Variants in CTCFL observed in about 807,000 individuals in gnomAD.
The protein encoded by CTCFL is CCCTC-binding factor like, also known as transcriptional repressor CTCFL.
Under a neutral mutation model 67.4 loss-of-function variants are expected in CTCFL, and 36 were observed. The ratio of observed to expected loss-of-function variants is 0.53; its 90% CI spans 0.41 to 0.71. The LOEUF is 0.71. CTCFL is among the 30% of genes least tolerant of loss of function. CTCFL has a pLI of 0.00. For synonymous variants in CTCFL, 324 were observed against 302.3 expected, an observed-to-expected ratio of 1.07 and a Z score of -0.75; for missense variants, 786 against 835.2, an observed-to-expected ratio of 0.94 and a Z score of 0.73.
At chr20:57,517,752 C>T (rs923975886) in intron 5 of CTCFL, among the ~76,000 whole-genome samples, 1 of 151,888 alleles carries the variant, frequency 6.6e-6, no homozygotes, top group African/African-American at 2.4e-5. Context: ...TGAGGCTACC[C>T]CCCACAGGCT....
At chr20:57,502,460 G>GT (rs1426585749) in intron 10 of CTCFL, among the ~76,000 whole-genome samples, 2 of 152,154 alleles carry the variant, frequency 1.3e-5, no homozygotes, top group African/African-American at 4.8e-5. Context: ...ATCTGATCTG[G>GT]TAACTCTTGA....
intron 9 of CTCFL, among the ~76,000 whole-genome samples, chr20:57,508,333 T>C (rs537890320): frequency 5.1e-4 from 77 of 152,250 alleles, no homozygotes; most frequent in African/African-American, 1.8e-3. Context: ...GTGGGGTTCT[T>C]TGGGGAGTCT....
intron 10 of CTCFL, among the ~76,000 whole-genome samples, chr20:57,502,922 G>A (rs955978468): frequency 2.0e-5 from 3 of 152,352 alleles, no homozygotes; most frequent in South Asian, 4.1e-4. Flanking sequence ...ACACACAGAA[G>A]AGAGGAGAGA....
At chr20:57,519,014 A>G in intron 4 of CTCFL, 123 bp from the exon 5 acceptor site, 1 of 1,264,214 alleles carries the variant, frequency 7.9e-7, no homozygotes, top group African/African-American at 1.5e-5. Context: ...GAGGCTCCTT[A>G]AACTATAAAT....
rs1449934375 is a variant in CTCFL at position 57,518,412 on chromosome 20, C to T, written c.1059+346G>A. On this transcript the variant is annotated intron_variant, in intron 5 of 10. Coordinates refer to ENST00000243914, the MANE Select transcript of CTCFL (RefSeq NM_001386993.1). ...TCAGCCAACATTGAGATTGGATCTG[C>T]ATTCTACGTTAGAGCAAATACATTT... The T allele has an allele frequency of 3.6e-6, 3 of 828,326 alleles. No individual in the cohort carries two copies. In the African/African-American group the frequency reaches 5.3e-5, roughly 15 times the overall value. The allele number at this position is 828,326 out of a possible 1,614,324, so 51.3% of individuals were successfully genotyped here.
chr20:57,523,126 T>G lies in CTCFL; in HGVS notation c.696A>C (p.Thr232=). The change falls in exon 3 of 11, where the codon ACA becomes ACC. Residue 232 remains threonine (T), a synonymous_variant. Coordinates refer to ENST00000243914, the MANE Select transcript of CTCFL (RefSeq NM_001386993.1). ...CCTTTTCAGCATCTGCTTGACCAGCTGTAGGTTGATCCTCTTGTTCTTCCA... is the reference window on the plus strand; with the variant it reads ...CCTTTTCAGCATCTGCTTGACCAGCGGTAGGTTGATCCTCTTGTTCTTCCA... The part of the protein sequence containing the change: ...SNVEEQEDQP[T]AGQADAEKAK... 1 of 1,614,054 alleles carries G rather than the reference T, an allele frequency of 6.2e-7. No individual in the cohort carries two copies. Among genetic ancestry groups the G allele is most frequent in the Non-Finnish European group, 8.5e-7 (1 of 1,180,016 alleles).
At chr20:57,518,552 C>T in intron 5 of CTCFL, 3 of 1,416,512 alleles carry the variant, frequency 2.1e-6, no homozygotes, top group Non-Finnish European at 2.8e-6. Context: ...ATATTATTTT[C>T]ACTAATTAGT....
In CTCFL at chr20:57,497,375, T is replaced by A; in HGVS notation, c.*1175A>T. On this transcript the variant is annotated 3_prime_UTR_variant, in exon 11 of 11. Coordinates refer to ENST00000243914, the MANE Select transcript of CTCFL (RefSeq NM_001386993.1). ...CTGCTGGGAAATTATTTCCACATAT[T>A]CACATTGTATAGGGATTCTGAACTT... 2.0e-6 allele frequency: 2 copies of A among 985,240 alleles called. No individual in the cohort carries two copies. Among genetic ancestry groups the A allele is most frequent in the Non-Finnish European group, 2.4e-6 (2 of 829,772 alleles). The allele number at this position is 985,240 out of a possible 1,614,324, so 61.0% of individuals were successfully genotyped here. A position where few individuals can be genotyped will look rare whatever the true frequency, so the allele number is the denominator to read the frequency against.
intron 3 of CTCFL, among the ~76,000 whole-genome samples, chr20:57,522,151 C>G (rs1038112221): frequency 2.6e-5 from 4 of 152,118 alleles, no homozygotes; most frequent in African/African-American, 9.7e-5. Flanking sequence ...AAGGCAGAGG[C>G]AAGAAACCTA....
chr20:57,525,456 G>A (rs75839365), upstream of CTCFL: 3,899 of 136,404 alleles, frequency 0.029, 237 homozygotes, highest in East Asian at 0.18. Context: ...GGAGGGTCCT[G>A]CAGGGGCACG....
intron 9 of CTCFL, 147 bp from the exon 10 acceptor site, chr20:57,503,748 A>T (rs1395678029): frequency 2.0e-5 from 15 of 754,766 alleles, no homozygotes; most frequent in South Asian, 3.6e-5. Flanking sequence ...TAGCCCTAAG[A>T]AGTAAATAAG....
At chr20:57,502,713 G>A (rs2067983405) in intron 10 of CTCFL, among the ~76,000 whole-genome samples, 2 of 152,192 alleles carry the variant, frequency 1.3e-5, no homozygotes, top group African/African-American at 2.4e-5. Context: ...ACAGGACAGG[G>A]CCCAGCTTCA....
Position 57,519,197 on chromosome 20 carries a change from G to T in CTCFL, c.925+10C>A. ...TCATTCCAGAGAAACAGCCTTCCCG[G>T]CAGTTTTACCTGTGTGGGTGTTAAC... is the stretch of plus-strand genomic sequence containing the variant. On this transcript the variant is annotated intron_variant, in intron 4 of 10. Coordinates refer to ENST00000243914, the MANE Select transcript of CTCFL (RefSeq NM_001386993.1). 2 of 1,612,702 alleles carry T rather than the reference G, an allele frequency of 1.2e-6. No individual in the cohort carries two copies. The highest frequency in any genetic ancestry group is 1.7e-6 in the Non-Finnish European group (2 of 1,178,950).
chr20:57,507,698 T>G (rs1371943372), intron 9 of CTCFL: 1 of 702,904 alleles, frequency 1.4e-6, no homozygotes, highest in African/African-American at 1.7e-5. Flanking sequence ...CTTCGGATGA[T>G]GCAGCCCTGG....
chr20:57,524,515 C>T (rs979589939), intron 1 of CTCFL: 2 of 1,178,160 alleles, frequency 1.7e-6, no homozygotes, highest in South Asian at 4.5e-5. Context: ...TCCGCCTGAG[C>T]ACACTCTGGC....
At chr20:57,522,097 G>GCTCTTGATTT (rs2069413516) in intron 3 of CTCFL, among the ~76,000 whole-genome samples, 1 of 152,198 alleles carries the variant, frequency 6.6e-6, no homozygotes, top group African/African-American at 2.4e-5. Flanking sequence ...AAACATATGA[G>GCTCTTGATTT]AAACTACTAT....
In CTCFL at chr20:57,519,362, A is replaced by T; in HGVS notation, c.770T>A (p.Phe257Tyr). 6.2e-7 allele frequency: 1 copy of T among 1,613,978 alleles called. No individual in the cohort carries two copies. Among genetic ancestry groups the T allele is most frequent in the Non-Finnish European group, 8.5e-7 (1 of 1,179,894 alleles). Residue 257 changes from phenylalanine (F) to tyrosine (Y), a missense_variant, in exon 4 of 11, where the codon TTC (phenylalanine) becomes TAC (tyrosine). By Grantham distance (22) the Phe-to-Tyr change is conservative. This residue lies in a region of CTCFL where 333 missense variants were observed against 304.6 expected (regional missense o/e 1.09). Transcript: ENST00000243914. Reference sequence around the variant, plus strand: ...GGTGAACATGCAGACATCACAGTGGAAGGTTCCTTTTGCTCCTATAGGCAG... The same window carrying T: ...GGTGAACATGCAGACATCACAGTGGTAGGTTCCTTTTGCTCCTATAGGCAG... ...QRKTKGAKGT[F>Y]HCDVCMFTSS... is the part of the protein sequence containing the mutation.
At chr20:57,521,952 G>A (rs553970825) in intron 3 of CTCFL, among the ~76,000 whole-genome samples, 9 of 152,286 alleles carry the variant, frequency 5.9e-5, no homozygotes, top group South Asian at 2.1e-4. Context: ...CTGCCTAATC[G>A]GTACAGGCCT....
At chr20:57,503,296 C>T in intron 10 of CTCFL, 140 bp downstream of exon 10, 1 of 973,548 alleles carries the variant, frequency 1.0e-6, no homozygotes, top group East Asian at 2.5e-5. Context: ...AGAGATCTGG[C>T]ACAAGCCACC....
Sources: gnomAD v4.1 joint callset for allele counts (sites outside exome capture counted in the v4.1 genomes callset) on GRCh38, gnomAD v4.1.1 for gene constraint, gnomAD v4.1.1 regional missense constraint, MANE v1.5 for transcripts, NCBI Gene and HGNC (gene_info 2026-07-23, HGNC 2026-07-21) for gene names.